TMEM207: variants seen among roughly 807,000 people sequenced by gnomAD.
TMEM207 encodes SRSR846.
A neutral mutation model predicts 17.4 loss-of-function variants in TMEM207; 15 were observed. The ratio of observed to expected loss-of-function variants is 0.86; its 90% CI spans 0.58 to 1.33. The LOEUF (loss-of-function observed/expected upper bound fraction) is 1.33, where lower values mean the gene tolerates loss of function less well. Ranked by LOEUF, TMEM207 falls within the 40% of genes most tolerant of loss-of-function variation. The pLI is 0.00. For missense variants in TMEM207, 205 were observed against 173.8 expected, an observed-to-expected ratio of 1.18 and a Z score of -1.01; for synonymous variants, 70 against 65.6, an observed-to-expected ratio of 1.07 and a Z score of -0.33.
At chr3:190,446,506 A>AT (rs1251036804) in intron 2 of TMEM207, among the ~76,000 whole-genome samples, 3 of 44,262 alleles carry the variant, frequency 6.8e-5, no homozygotes, top group East Asian at 3.5e-4. Flanking sequence ...TTTGAGGGTT[A>AT]ATTTTTTTTT....
Position 190,449,867 on chromosome 3 carries a change from T to C in TMEM207, c.-58A>G, listed in dbSNP as rs1421341550. 6.7e-6 allele frequency: 10 copies of C among 1,488,674 alleles called. No homozygotes were observed. In the East Asian group the frequency reaches 2.1e-4, roughly 31 times the overall value. The allele number at this position is 1,488,674 out of a possible 1,614,324, so 92.2% of individuals were successfully genotyped here. On this transcript the variant is annotated 5_prime_UTR_variant, in exon 1 of 5. Coordinates refer to ENST00000354905, the MANE Select transcript of TMEM207 (RefSeq NM_207316.3). ...TGGTGCCTGTGTTTATTTCCTTCTT[T>C]CTCAGAACTTACTAGCTTCTCTATA... is the stretch of plus-strand genomic sequence containing the variant.
intron 2 of TMEM207, among the ~76,000 whole-genome samples, chr3:190,444,808 A>G (rs766338484): frequency 9.9e-5 from 15 of 152,224 alleles, no homozygotes; most frequent in Non-Finnish European, 2.1e-4. Flanking sequence ...CATAAGAACA[A>G]TGTTTTCCAT....
intron 4 of TMEM207, among the ~76,000 whole-genome samples, chr3:190,438,044 A>G (rs1262021981): frequency 7.0e-6 from 1 of 142,988 alleles, no homozygotes; most frequent in Non-Finnish European, 1.5e-5. Context: ...TGGGAATTGA[A>G]CAATGAGAAC....
At chr3:190,447,163 CAGG>C (rs1011337406) in intron 2 of TMEM207, among the ~76,000 whole-genome samples, 13 of 151,968 alleles carry the variant, frequency 8.6e-5, no homozygotes, top group Admixed American at 3.9e-4. Context: ...GGGCTGCAAG[CAGG>C]AGAAGATAGT....
At chr3:190,432,698 T>C (rs1003579645) in intron 4 of TMEM207, among the ~76,000 whole-genome samples, 23 of 152,156 alleles carry the variant, frequency 1.5e-4, no homozygotes, top group Admixed American at 5.9e-4. Context: ...ACCCTGCTTC[T>C]TGTTCACCTC....
intron 3 of TMEM207, among the ~76,000 whole-genome samples, chr3:190,440,678 T>C (rs142658888): frequency 0.014 from 2,191 of 152,296 alleles, 28 homozygotes; most frequent in Non-Finnish European, 0.022. Context: ...CATCCATTCT[T>C]CCTTTCAGAC....
rs1458345254 is a variant in TMEM207 at position 190,429,372 on chromosome 3, G to T, written c.*223C>A. 2 of 518,414 alleles carry T rather than the reference G, an allele frequency of 3.9e-6. No homozygotes were observed. The highest frequency in any genetic ancestry group is 6.8e-6 in the Non-Finnish European group (2 of 292,256). 32.1% of individuals were successfully genotyped at this position (518,414 alleles called of 1,614,324 possible). ...ATTAATTTGGTTGTGTAGCATAAAA[G>T]TATGATACAGCAGTGACACATCAAA... On this transcript the variant is annotated 3_prime_UTR_variant, in exon 5 of 5. Transcript: ENST00000354905.
chr3:190,430,048 A>C (rs1719658674), intron 4 of TMEM207, among the ~76,000 whole-genome samples: 1 of 152,174 alleles, frequency 6.6e-6, no homozygotes, highest in East Asian at 1.9e-4. Flanking sequence ...CTCAACACTA[A>C]TGGCATTTCA....
In TMEM207 at chr3:190,437,168, TGAGGATGGGCATGAAGATCCTGGAG is replaced by T. The variant is rs1295886945; in HGVS notation, c.304+3051_304+3075del. 4.2e-4 allele frequency among the ~76,000 whole-genome samples: 64 copies of T among 152,080 alleles called. 1 individual carries two copies. Among genetic ancestry groups the T allele is most frequent in the Admixed American group, 3.3e-3 (51 of 15,278 alleles). On this transcript the variant is annotated intron_variant, in intron 4 of 4. Transcript: ENST00000354905. ...GTGGAATTGGGGTGAAAGAATAGAG[TGAGGATGGGCATGAAGATCCTGGAG>T]CACAAGCCCTGCTACTGAAAAGCTG...
At chr3:190,443,308 T>C (rs747372811) in intron 2 of TMEM207, among the ~76,000 whole-genome samples, 1 of 152,162 alleles carries the variant, frequency 6.6e-6, no homozygotes, top group Non-Finnish European at 1.5e-5. Context: ...ATTCTAAATA[T>C]TAACCACCTC....
At chr3:190,436,255 A>G (rs1176205604) in intron 4 of TMEM207, among the ~76,000 whole-genome samples, 1 of 152,270 alleles carries the variant, frequency 6.6e-6, no homozygotes, top group Non-Finnish European at 1.5e-5. Flanking sequence ...TAGTCTCTCC[A>G]TTAAAATGTT....
At chr3:190,438,355 A>G (rs1719850248) in intron 4 of TMEM207, among the ~76,000 whole-genome samples, 1 of 150,122 alleles carries the variant, frequency 6.7e-6, no homozygotes. Flanking sequence ...ATGTGAGTCT[A>G]TTGCCCGTCA....
intron 4 of TMEM207, among the ~76,000 whole-genome samples, chr3:190,433,626 AT>A (rs1719738290): frequency 2.0e-5 from 3 of 152,164 alleles, no homozygotes; most frequent in African/African-American, 7.2e-5. Flanking sequence ...AAAAATTTGC[AT>A]ACATTCCTTT....
intron 4 of TMEM207, among the ~76,000 whole-genome samples, chr3:190,434,735 G>A (rs1719764552): frequency 6.6e-6 from 1 of 152,202 alleles, no homozygotes; most frequent in Non-Finnish European, 1.5e-5. Context: ...GCTACGGCAT[G>A]GATGATGCCA....
chr3:190,430,640 A>G (rs1487048668), intron 4 of TMEM207, among the ~76,000 whole-genome samples: 1 of 152,090 alleles, frequency 6.6e-6, no homozygotes, highest in Non-Finnish European at 1.5e-5. Flanking sequence ...TCAAAAATTC[A>G]TCTTTAAAAA....
chr3:190,443,761 C>A (rs13088427), intron 2 of TMEM207, among the ~76,000 whole-genome samples: 28,510 of 152,032 alleles, frequency 0.19, 2,883 homozygotes, highest in East Asian at 0.34. Flanking sequence ...ATATTACTTC[C>A]AAGATATTCA....
At chr3:190,444,556 G>C (rs1383482343) in intron 2 of TMEM207, 1 of 581,860 alleles carries the variant, frequency 1.7e-6, no homozygotes, top group Non-Finnish European at 2.2e-6. Flanking sequence ...ACAGAGAATA[G>C]GCCAATAGTG....
chr3:190,445,661 G>C (rs2108539008), intron 2 of TMEM207, among the ~76,000 whole-genome samples: 2 of 152,278 alleles, frequency 1.3e-5, no homozygotes, highest in East Asian at 3.9e-4. Flanking sequence ...GAGTAGCTGG[G>C]ATTACAGGTG....
At chr3:190,433,254 G>T (rs972707631) in intron 4 of TMEM207, among the ~76,000 whole-genome samples, 1 of 151,890 alleles carries the variant, frequency 6.6e-6, no homozygotes, top group African/African-American at 2.4e-5. Context: ...TCCTCATTAA[G>T]ATGGGCTTTT....
Sources: allele counts gnomAD v4.1 joint callset (sites outside exome capture counted in the v4.1 genomes callset), GRCh38; gene constraint gnomAD v4.1.1; transcripts MANE v1.5; gene names NCBI Gene and HGNC (gene_info 2026-07-23, HGNC 2026-07-21).